The following CNTNAP2 variants were observed in gnomAD, a reference collection of about 807,000 sequenced individuals.
CNTNAP2 encodes contactin-associated protein-like 2.
A neutral mutation model predicts 155.2 loss-of-function variants in CNTNAP2; 98 were observed. That is an observed-to-expected ratio of 0.63 (90% CI 0.54 to 0.75). The LOEUF is 0.75. CNTNAP2 is among the 30% of genes least tolerant of loss of function. The probability of loss-of-function intolerance (pLI) is 0.00; values close to 1 mark genes in which losing one functional copy is unlikely to be tolerated. For synonymous variants in CNTNAP2, 651 were observed against 631.2 expected, an observed-to-expected ratio of 1.03 and a Z score of -0.47; for missense variants, 1,727 against 1,688.1, an observed-to-expected ratio of 1.02 and a Z score of -0.40.
At chr7:147,562,350 T>A in intron 12 of CNTNAP2, 93 bp downstream of exon 12, 2 of 1,493,406 alleles carry the variant, frequency 1.3e-6, no homozygotes, top group Non-Finnish European at 1.9e-6. Flanking sequence ...GGTGCTATGT[T>A]TTTATCACAA....
At chr7:146,325,463 A>G (rs949500904) in intron 1 of CNTNAP2, among the ~76,000 whole-genome samples, 2 of 152,120 alleles carry the variant, frequency 1.3e-5, no homozygotes, top group African/African-American at 4.8e-5. Context: ...TCAGATCTAC[A>G]TGGCTTACTG....
chr7:147,850,358 T>A (rs1259033191), intron 13 of CNTNAP2, among the ~76,000 whole-genome samples: 1 of 152,134 alleles, frequency 6.6e-6, no homozygotes, highest in African/African-American at 2.4e-5. Context: ...AACTTATAGA[T>A]TCAGTGCCAT....
At chr7:146,447,189 T>C (rs1438708429) in intron 1 of CNTNAP2, among the ~76,000 whole-genome samples, 2 of 152,092 alleles carry the variant, frequency 1.3e-5, no homozygotes, top group African/African-American at 2.4e-5. Context: ...GATGTATTAA[T>C]ATGATTTTAA....
At chr7:146,991,895 G>A (rs995424601) in intron 3 of CNTNAP2, among the ~76,000 whole-genome samples, 1 of 152,098 alleles carries the variant, frequency 6.6e-6, no homozygotes, top group African/African-American at 2.4e-5. Context: ...ACAAGAGTTC[G>A]CTAAGAAGAA....
At chr7:148,272,807 C>T (rs913771573) in intron 21 of CNTNAP2, among the ~76,000 whole-genome samples, 5 of 152,052 alleles carry the variant, frequency 3.3e-5, no homozygotes, top group Non-Finnish European at 5.9e-5. Context: ...GAATCATGTC[C>T]AGAGCGAGGG....
chr7:146,799,568 T>C (rs1463624712), intron 2 of CNTNAP2, among the ~76,000 whole-genome samples: 1 of 152,210 alleles, frequency 6.6e-6, no homozygotes, highest in Non-Finnish European at 1.5e-5. Flanking sequence ...CCAAAGAGCT[T>C]GAGTAGCGCT....
chr7:146,178,435 A>G (rs966400361), intron 1 of CNTNAP2, among the ~76,000 whole-genome samples: 3 of 152,196 alleles, frequency 2.0e-5, no homozygotes, highest in African/African-American at 4.8e-5. Context: ...TTTATCGAAC[A>G]TGCTACAAAG....
At chr7:148,194,444 C>T (rs937785118) in intron 18 of CNTNAP2, among the ~76,000 whole-genome samples, 1 of 152,038 alleles carries the variant, frequency 6.6e-6, no homozygotes, top group Admixed American at 6.5e-5. Flanking sequence ...TTGTCAGGTC[C>T]TTAAGCTCAG....
chr7:148,021,622 C>T (rs1479692923), intron 15 of CNTNAP2, among the ~76,000 whole-genome samples: 1 of 152,228 alleles, frequency 6.6e-6, no homozygotes, highest in Non-Finnish European at 1.5e-5. Context: ...CGAGAGACGG[C>T]GCTAGCCCCT....
intron 20 of CNTNAP2, among the ~76,000 whole-genome samples, chr7:148,235,686 T>TTA (rs68151386): frequency 2.0e-3 from 5 of 2,518 alleles, no homozygotes; most frequent in South Asian, 0.077. Flanking sequence ...GCAGCAATTA[T>TTA]TTTTTTTTTT....
rs775785799 is a variant in CNTNAP2 at position 147,108,373 on chromosome 7, A to C, written c.754+23A>C. 1.2e-5 allele frequency: 19 copies of C among 1,593,962 alleles called. No individual in the cohort carries two copies. The African/African-American group carries it at 2.4e-4, about 20-fold the overall frequency. On this transcript the variant is annotated intron_variant, in intron 5 of 23. Transcript: ENST00000361727. The stretch of plus-strand genomic sequence containing the variant: ...TAGGTGTGTTCTGACTGTCAGTTCT[A>C]TTCTTTCCGTTATGGATGTTCCCAT...
chr7:147,890,892 A>G (rs956891641), intron 13 of CNTNAP2, among the ~76,000 whole-genome samples: 1 of 152,214 alleles, frequency 6.6e-6, no homozygotes, highest in Non-Finnish European at 1.5e-5. Flanking sequence ...CAACATGATC[A>G]TTATAGTTAA....
At chr7:147,706,111 T>C (rs1796310554) in intron 13 of CNTNAP2, among the ~76,000 whole-genome samples, 2 of 152,114 alleles carry the variant, frequency 1.3e-5, no homozygotes, top group East Asian at 1.9e-4. Context: ...AGTTATTTTG[T>C]AATGTCTTTT....
At chr7:146,892,477 T>A (rs180840946) in intron 3 of CNTNAP2, among the ~76,000 whole-genome samples, 148 of 152,328 alleles carry the variant, frequency 9.7e-4, no homozygotes, top group African/African-American at 3.3e-3. Flanking sequence ...GTAGCCATCT[T>A]AATTTATTAT....
intron 8 of CNTNAP2, among the ~76,000 whole-genome samples, chr7:147,136,212 G>A (rs149252690): frequency 9.5e-4 from 144 of 151,956 alleles, no homozygotes; most frequent in African/African-American, 3.4e-3. Context: ...TTCTCTCTCA[G>A]TTATTGGAAA....
chr7:148,072,279 G>A (rs1368007781), intron 15 of CNTNAP2, among the ~76,000 whole-genome samples: 1 of 152,178 alleles, frequency 6.6e-6, no homozygotes, highest in Non-Finnish European at 1.5e-5. Flanking sequence ...TGATGTGTCT[G>A]TAGAGCAGGA....
At chr7:147,777,111 G>GT (rs1266561102) in intron 13 of CNTNAP2, among the ~76,000 whole-genome samples, 1 of 151,884 alleles carries the variant, frequency 6.6e-6, no homozygotes, top group Non-Finnish European at 1.5e-5. Flanking sequence ...GTTGGTATAT[G>GT]TTATAATATA....
intron 1 of CNTNAP2, among the ~76,000 whole-genome samples, chr7:146,562,036 T>C (rs1361081782): frequency 6.6e-6 from 1 of 152,112 alleles, no homozygotes; most frequent in Non-Finnish European, 1.5e-5. Flanking sequence ...GCAATCCTCC[T>C]GCCTTGGCCT....
Position 148,217,524 on chromosome 7 carries a change from G to C in CNTNAP2, c.3247G>C (p.Gly1083Arg). ...DFLAVLVKPT[G>R]SLQIRYNLGG... ...CTTGGCAGTCCTCGTCAAACCCACTGGTAAGGACAAGGATACCCAGCCTCT... is the reference window on the plus strand; with the variant it reads ...CTTGGCAGTCCTCGTCAAACCCACTCGTAAGGACAAGGATACCCAGCCTCT... Residue 1083 changes from glycine to arginine, a missense_variant and splice_region_variant, in exon 19 of 24, where the codon GGA (glycine) becomes CGA (arginine). Transcript: ENST00000361727. The C allele has an allele frequency of 6.2e-7, 1 of 1,613,964 alleles. No individual in the cohort carries two copies. Among genetic ancestry groups the C allele is most frequent in the Non-Finnish European group, 8.5e-7 (1 of 1,179,862 alleles).
Sources: allele counts gnomAD v4.1 joint callset (sites outside exome capture counted in the v4.1 genomes callset), GRCh38; gene constraint gnomAD v4.1.1; transcripts MANE v1.5; gene names NCBI Gene and HGNC (gene_info 2026-07-23, HGNC 2026-07-21).